Variants in ALPK3 observed in about 807,000 individuals in gnomAD.
ALPK3 encodes the protein alpha-protein kinase 3.
Under a neutral mutation model 140.0 loss-of-function variants are expected in ALPK3, and 102 were observed. That is an observed-to-expected ratio of 0.73 (90% CI 0.62 to 0.86). ALPK3 has a LOEUF of 0.86. ALPK3 is among the 40% of genes least tolerant of loss of function. The pLI is 0.00. For missense variants in ALPK3, 2,254 were observed against 2,208.2 expected (o/e 1.02, Z -0.42); for synonymous variants, 938 against 898.5 (o/e 1.04, Z -0.79).
At chr15:84,817,991 G>A (rs1303584523) in intron 1 of ALPK3, among the ~76,000 whole-genome samples, 1 of 152,182 alleles carries the variant, frequency 6.6e-6, no homozygotes, top group African/African-American at 2.4e-5. Flanking sequence ...GAGAGCACTG[G>A]TGGGGACAGG....
intron 5 of ALPK3, among the ~76,000 whole-genome samples, chr15:84,855,192 C>T (rs1272573695): frequency 6.6e-6 from 1 of 152,224 alleles, no homozygotes; most frequent in Non-Finnish European, 1.5e-5. Flanking sequence ...CATGACCCTG[C>T]AGCTCTTGTT....
Position 84,873,210 on chromosome 15 carries a change from G to A in ALPK3, c.*4754G>A, listed in dbSNP as rs1382555825. 2 of 152,200 alleles carry A rather than the reference G, an allele frequency of 1.3e-5. No homozygotes were observed. Among genetic ancestry groups the A allele is most frequent in the Non-Finnish European group, 2.9e-5 (2 of 68,042 alleles). The allele number at this position is 152,200 out of a possible 1,614,324, so 9.4% of individuals were successfully genotyped here. On this transcript the variant is annotated 3_prime_UTR_variant, in exon 14 of 14. Coordinates refer to ENST00000258888, the MANE Select transcript of ALPK3 (RefSeq NM_020778.5). ...GGCAAGAAGGGAGCTCATCTTCTGG[G>A]TCCTGCCAGAGGGCAGTGAGGGGGT...
chr15:84,863,648 C>T lies in ALPK3; in HGVS notation c.4499+8C>T, dbSNP rs775235360. On this transcript the variant is annotated splice_region_variant and intron_variant, in intron 11 of 13. Transcript: ENST00000258888. ...CTTTGGGGAGGTGCCTGAGTAAGTACGCAGCGAGGAGGACGTGCAGTGTGC... is the reference window on the plus strand; with the variant it reads ...CTTTGGGGAGGTGCCTGAGTAAGTATGCAGCGAGGAGGACGTGCAGTGTGC... The T allele has an allele frequency of 2.7e-5, 44 of 1,613,180 alleles. No homozygotes were observed. The highest frequency in any genetic ancestry group is 1.8e-4 in the South Asian group (16 of 91,006).
chr15:84,865,820 A>G (rs1963997777), intron 12 of ALPK3, among the ~76,000 whole-genome samples: 1 of 152,170 alleles, frequency 6.6e-6, no homozygotes, highest in African/African-American at 2.4e-5. Flanking sequence ...TTCTGTCTGT[A>G]ATTCCAGCTA....
At chr15:84,862,180 T>A (rs1035090357) in intron 9 of ALPK3, among the ~76,000 whole-genome samples, 3 of 152,212 alleles carry the variant, frequency 2.0e-5, no homozygotes, top group Non-Finnish European at 1.5e-5. Flanking sequence ...TGCTCATTGC[T>A]GCTGGATTGG....
chr15:84,858,366 C>G lies in ALPK3; in HGVS notation c.3628C>G (p.Arg1210Gly). ...LVPGSPGTPG[R>G]ERRSPTQGRK... is the part of the protein sequence containing the mutation. The stretch of plus-strand genomic sequence containing the variant: ...GCCTGGGTCCCCAGGGACTCCAGGG[C>G]GGGAGAGACGCTCCCCTACGCAGGG... Residue 1210 changes from arginine (R) to glycine (G), a missense_variant, in exon 6 of 14, where the codon CGG (arginine) becomes GGG (glycine). This residue lies in a region of ALPK3 where 2,088 missense variants were observed against 2,022.9 expected (regional missense o/e 1.03). Transcript: ENST00000258888. 6.4e-7 allele frequency: 1 copy of G among 1,554,082 alleles called. No individual in the cohort carries two copies. The highest frequency in any genetic ancestry group is 8.7e-7 in the Non-Finnish European group (1 of 1,150,018).
intron 7 of ALPK3, 132 bp downstream of exon 7, chr15:84,859,522 A>G (rs1422390248): frequency 1.3e-5 from 18 of 1,341,932 alleles, no homozygotes; most frequent in East Asian, 2.5e-5. Context: ...TTTTATTCCC[A>G]TAGTAGAGAT....
intron 3 of ALPK3, among the ~76,000 whole-genome samples, chr15:84,831,115 T>A (rs1963541717): frequency 6.6e-6 from 1 of 152,234 alleles, no homozygotes; most frequent in African/African-American, 2.4e-5. Context: ...TGTTCCATTA[T>A]CTTTTTGCTT....
rs1963450116 is a variant in ALPK3 at position 84,823,390 on chromosome 15, T to C, written c.182+22T>C. 3 of 1,613,924 alleles carry C rather than the reference T, an allele frequency of 1.9e-6. No individual in the cohort carries two copies. In the Middle Eastern group the frequency reaches 5.0e-4, roughly 266 times the overall value. On this transcript the variant is annotated intron_variant, in intron 2 of 13. Transcript: ENST00000258888. ...GAAGGTAAATGCATATTGCACTACATTTCTCTGACTGCTTTTTCCTTGGGT... is the reference window on the plus strand; with the variant it reads ...GAAGGTAAATGCATATTGCACTACACTTCTCTGACTGCTTTTTCCTTGGGT...
rs1963894343 is a variant in ALPK3, at chr15:84,858,296, G to A, written c.3558G>A (p.Arg1186=). 7.0e-6 allele frequency: 11 copies of A among 1,579,182 alleles called. No homozygotes were observed. Among genetic ancestry groups the A allele is most frequent in the Non-Finnish European group, 8.6e-6 (10 of 1,162,476 alleles). The change falls in exon 6 of 14, where the codon AGG becomes AGA. Residue 1186 remains arginine (R), a synonymous_variant. Transcript: ENST00000258888. Reference sequence around the variant, plus strand: ...GGGAGGCAACCACACCTGAAGAAAGGGAGAGCCCCACGGTTTCCCCCCGGG... The same window carrying A: ...GGGAGGCAACCACACCTGAAGAAAGAGAGAGCCCCACGGTTTCCCCCCGGG... ...GDGEATTPEE[R]ESPTVSPRGP...
Position 84,857,998 on chromosome 15 carries a change from G to T in ALPK3, c.3260G>T (p.Gly1087Val), listed in dbSNP as rs1193025908. ...DEEDPGLASE[G>V]ASEGEGEVSP... is the part of the protein sequence containing the mutation. ...GAGGACCCTGGGCTGGCCTCAGAAG[G>T]AGCCAGTGAGGGTGAAGGAGAGGTT... Residue 1087 changes from glycine to valine, a missense_variant, in exon 6 of 14, where the codon GGA becomes GTA. Gly to Val is a moderately radical substitution (Grantham distance 109, BLOSUM62 -3). This residue lies in a region of ALPK3 where 2,088 missense variants were observed against 2,022.9 expected (regional missense o/e 1.03). Coordinates refer to ENST00000258888, the MANE Select transcript of ALPK3 (RefSeq NM_020778.5). 8 of 1,598,056 alleles carry T rather than the reference G, an allele frequency of 5.0e-6. No individual in the cohort carries two copies. The highest frequency in any genetic ancestry group is 1.1e-5 in the South Asian group (1 of 88,728).
chr15:84,839,885 C>T lies in ALPK3; in HGVS notation c.606C>T (p.His202=), dbSNP rs376691348. Residue 202 remains histidine, a synonymous_variant, in exon 5 of 14, where the codon CAC becomes CAT. Transcript: ENST00000258888. ...GCGAGATCGAGCAGAGCTGGAAGCA[C>T]GAGAAGGCGGTGCCTGGGGAGGTCG... is the stretch of plus-strand genomic sequence containing the variant. The part of the protein sequence containing the change: ...KLREIEQSWK[H]EKAVPGEVDT... 8.1e-6 allele frequency: 13 copies of T among 1,613,920 alleles called. No homozygotes were observed. The highest frequency in any genetic ancestry group is 4.4e-5 in the South Asian group (4 of 91,084).
rs556727352 is a variant in ALPK3 at position 84,823,448 on chromosome 15, G to C, written c.182+80G>C. The C allele has an allele frequency of 1.7e-4, 251 of 1,516,954 alleles. 1 individual carries two copies. In the African/African-American group the frequency reaches 2.9e-3, roughly 17 times the overall value. The allele number at this position is 1,516,954 out of a possible 1,614,324, so 94.0% of individuals were successfully genotyped here. On this transcript the variant is annotated intron_variant, in intron 2 of 13. Transcript: ENST00000258888. ...TTGAGGGGCCACTGAGTGTCTGCTC[G>C]TGCACTAACCAGGCTGCATGGGGTG...
Position 84,862,835 on chromosome 15 carries a change from A to G in ALPK3, c.4330A>G (p.Ile1444Val). The G allele has an allele frequency of 1.2e-6, 2 of 1,614,104 alleles. No individual in the cohort carries two copies. The highest frequency in any genetic ancestry group is 1.1e-5 in the South Asian group (1 of 91,080). ...CTTCGAGTCGGGCCGCACGTGCATC[A>G]TCAAGGTGTCCAGCCTGCTTGTGTT... ...PIFESGRTCIIKVSSLLVFGP... is the reference protein window; with the variant it reads ...PIFESGRTCIVKVSSLLVFGP... Residue 1444 changes from isoleucine (I) to valine (V), a missense_variant, in exon 10 of 14, where the codon ATC becomes GTC. By Grantham distance (29) the Ile-to-Val change is conservative. This residue lies in a region of ALPK3 where 2,088 missense variants were observed against 2,022.9 expected (regional missense o/e 1.03). Coordinates refer to ENST00000258888, the MANE Select transcript of ALPK3 (RefSeq NM_020778.5).
At chr15:84,864,363 C>G in intron 11 of ALPK3, 79 bp from the exon 12 acceptor site, 1 of 1,443,032 alleles carries the variant, frequency 6.9e-7, no homozygotes. Flanking sequence ...CTTTTAGGTC[C>G]AAGAATACAG....
At chr15:84,862,957 A>AC in intron 10 of ALPK3, 42 bp downstream of exon 10, 1 of 1,581,122 alleles carries the variant, frequency 6.3e-7, no homozygotes, top group Non-Finnish European at 8.6e-7. Flanking sequence ...TTATTCTCTC[A>AC]CCCCCTCCCC....
chr15:84,847,756 C>T (rs537007365), intron 5 of ALPK3, among the ~76,000 whole-genome samples: 8 of 152,118 alleles, frequency 5.3e-5, no homozygotes, highest in Non-Finnish European at 1.0e-4. Flanking sequence ...TGTCAGCAGA[C>T]CTGTTCTAGA....
chr15:84,840,583 A>G lies in ALPK3; in HGVS notation c.1304A>G (p.Gln435Arg), dbSNP rs754238381. The change falls in exon 5 of 14, where the codon CAG becomes CGG. Residue 435 changes from glutamine to arginine, a missense_variant. By Grantham distance (43) the Gln-to-Arg change is conservative. This residue lies in a region of ALPK3 where 2,088 missense variants were observed against 2,022.9 expected (regional missense o/e 1.03). Transcript: ENST00000258888. The part of the protein sequence containing the change: ...AVRPLGEEGP[Q>R]TLSVRAPGES... ...AGGCCTCTTGGGGAAGAGGGACCCC[A>G]GACCCTGAGTGTCCGGGCGCCTGGG... 5.5e-5 allele frequency: 87 copies of G among 1,573,834 alleles called. No individual in the cohort carries two copies. The highest frequency in any genetic ancestry group is 7.1e-5 in the Non-Finnish European group (83 of 1,162,526).
In ALPK3 at chr15:84,859,884, C is replaced by A. The variant is rs997356679; in HGVS notation, c.4074C>A (p.Asp1358Glu). ...ATGAGCACGGCTCGGCCTCCACCGACTTCTGCCTCAGCCCTGAGGGTGAGT... is the reference window on the plus strand; with the variant it reads ...ATGAGCACGGCTCGGCCTCCACCGAATTCTGCCTCAGCCCTGAGGGTGAGT... ...IHNEHGSAST[D>E]FCLSPEVLSG... Residue 1358 changes from aspartate (D) to glutamate (E), a missense_variant, in exon 8 of 14, where the codon GAC becomes GAA. Around this residue, in one of 3 missense-constraint regions of ALPK3, gnomAD observed 2,088 missense variants for 2,022.9 expected, o/e 1.03. Coordinates refer to ENST00000258888, the MANE Select transcript of ALPK3 (RefSeq NM_020778.5). 6.2e-7 allele frequency: 1 copy of A among 1,614,090 alleles called. No individual in the cohort carries two copies. The highest frequency in any genetic ancestry group is 8.5e-7 in the Non-Finnish European group (1 of 1,180,036).
Sources: gnomAD v4.1 joint callset for allele counts (sites outside exome capture counted in the v4.1 genomes callset) on GRCh38, gnomAD v4.1.1 for gene constraint, gnomAD v4.1.1 regional missense constraint, MANE v1.5 for transcripts, NCBI Gene and HGNC (gene_info 2026-07-23, HGNC 2026-07-21) for gene names.